ATG2B: variants seen among roughly 807,000 people sequenced by gnomAD.
ATG2B encodes autophagy related 2B, also known as autophagy-related protein 2 homolog B.
Under a neutral mutation model 241.3 loss-of-function variants are expected in ATG2B, and 121 were observed. The ratio of observed to expected loss-of-function variants is 0.50; its 90% confidence interval spans 0.43 to 0.58. The LOEUF (loss-of-function observed/expected upper bound fraction) is 0.58, where lower values mean the gene tolerates loss of function less well. ATG2B is among the 20% of genes least tolerant of loss of function. The probability of loss-of-function intolerance (pLI) is 0.00; values close to 1 mark genes in which losing one functional copy is unlikely to be tolerated. For missense variants in ATG2B, 2,306 were observed against 2,491.6 expected (o/e 0.93, Z 1.59); for synonymous variants, 858 against 876.6 (o/e 0.98, Z 0.37).
rs1429827740 is a variant in ATG2B, at chr14:96,285,658, G to C, written c.*97C>G. ...AAAAATGCTTTTGTTCCTGAGATGAGCACAATAAAATTAAACGAGCTTCCT... is the reference window on the plus strand; with the variant it reads ...AAAAATGCTTTTGTTCCTGAGATGACCACAATAAAATTAAACGAGCTTCCT... On this transcript the variant is annotated 3_prime_UTR_variant, in exon 42 of 42. Coordinates refer to ENST00000359933, the MANE Select transcript of ATG2B (RefSeq NM_018036.7). The surrounding 1 kb of genome is among the most constrained non-coding windows in gnomAD (Gnocchi z 4.2). The C allele has an allele frequency of 1.7e-6, 2 of 1,149,014 alleles. No individual in the cohort carries two copies. The highest frequency in any genetic ancestry group is 4.2e-5 in the Admixed American group (2 of 47,968). 71.2% of individuals were successfully genotyped at this position (1,149,014 alleles called of 1,614,324 possible).
intron 3 of ATG2B, among the ~76,000 whole-genome samples, 192 bp from the exon 4 acceptor site, chr14:96,344,948 G>A (rs1329460958): frequency 6.6e-6 from 1 of 151,746 alleles, no homozygotes; most frequent in Admixed American, 6.6e-5. Context: ...ACTTAACCAT[G>A]TTACATCTCA....
intron 1 of ATG2B, among the ~76,000 whole-genome samples, chr14:96,358,206 TGGGA>T (rs1364163061): frequency 6.6e-6 from 1 of 151,872 alleles, no homozygotes; most frequent in East Asian, 1.9e-4. Context: ...GGGGCTGAGG[TGGGA>T]GGATCACTTG....
chr14:96,334,509 GAAA>G lies in ATG2B; in HGVS notation c.925-11_925-9del, dbSNP rs757144200. Reference sequence around the variant, plus strand: ...CTGTCCATCAACATCCAACTTAAGGGAAAAAAAAAAACTATTCATGAGGAGTAT... The same window carrying G: ...CTGTCCATCAACATCCAACTTAAGGGAAAAAAAACTATTCATGAGGAGTAT... On this transcript the variant is annotated splice_polypyrimidine_tract_variant and intron_variant, in intron 6 of 41. Coordinates refer to ENST00000359933, the MANE Select transcript of ATG2B (RefSeq NM_018036.7). The G allele has an allele frequency of 8.0e-7, 1 of 1,244,696 alleles. No homozygotes were observed. Among genetic ancestry groups the G allele is most frequent in the Non-Finnish European group, 1.1e-6 (1 of 922,776 alleles). The allele number at this position is 1,244,696 out of a possible 1,614,324, so 77.1% of individuals were successfully genotyped here. A position where few individuals can be genotyped will look rare whatever the true frequency, so the allele number is the denominator to read the frequency against.
chr14:96,335,163 A>T lies in ATG2B; in HGVS notation c.925-662T>A, dbSNP rs140639963. On this transcript the variant is annotated intron_variant, in intron 6 of 41. Coordinates refer to ENST00000359933, the MANE Select transcript of ATG2B (RefSeq NM_018036.7). ...TTGATGATTCCTGAATACTCTGACAAAAGCAATTACTTTATTCTCTATATT... is the reference window on the plus strand; with the variant it reads ...TTGATGATTCCTGAATACTCTGACATAAGCAATTACTTTATTCTCTATATT... Among the ~76,000 whole-genome samples, 146 of 152,330 alleles carry T rather than the reference A, an allele frequency of 9.6e-4. 1 individual carries two copies. Among genetic ancestry groups the T allele is most frequent in the African/African-American group, 3.3e-3 (138 of 41,582 alleles).
At chr14:96,350,895 G>C (rs1030117237) in intron 1 of ATG2B, among the ~76,000 whole-genome samples, 4 of 152,148 alleles carry the variant, frequency 2.6e-5, no homozygotes, top group African/African-American at 9.7e-5. Context: ...ATCATGCTGG[G>C]TCTCCTGTCC....
At chr14:96,321,184 G>T (rs374076381) in intron 18 of ATG2B, among the ~76,000 whole-genome samples, 1 of 151,962 alleles carries the variant, frequency 6.6e-6, no homozygotes. Context: ...AAAACCCAGG[G>T]TTTATTACTA....
intron 30 of ATG2B, 115 bp from the exon 31 acceptor site, chr14:96,305,930 A>T (rs1268707659): frequency 1.3e-6 from 1 of 768,232 alleles, no homozygotes; most frequent in Non-Finnish European, 2.1e-6. Context: ...ATTCCAGTAT[A>T]TAAAATAAGG....
intron 18 of ATG2B, among the ~76,000 whole-genome samples, chr14:96,319,811 G>C (rs754933006): frequency 1.1e-4 from 17 of 152,088 alleles, no homozygotes; most frequent in South Asian, 6.2e-4. Context: ...GGAGTTCTTC[G>C]TACTGTAAAG....
rs558399887 is a variant in ATG2B, at chr14:96,331,762, A to G, written c.1469-125T>C. 3.1e-5 allele frequency: 24 copies of G among 781,924 alleles called. No homozygotes were observed. In the East Asian group the frequency reaches 6.4e-4, roughly 21 times the overall value. 48.4% of individuals were successfully genotyped at this position (781,924 alleles called of 1,614,324 possible). A position where few individuals can be genotyped will look rare whatever the true frequency, so the allele number is the denominator to read the frequency against. On this transcript the variant is annotated intron_variant, in intron 10 of 41. Coordinates refer to ENST00000359933, the MANE Select transcript of ATG2B (RefSeq NM_018036.7). ...ATCATACAACAGTTTGAATGATATTAAACAATTAATTTAAGTAAAATCAAC... is the reference window on the plus strand; with the variant it reads ...ATCATACAACAGTTTGAATGATATTGAACAATTAATTTAAGTAAAATCAAC...
At position 96,332,095 on chromosome 14, in the gene ATG2B, T is replaced by A. The variant is rs147818571; in HGVS notation, c.1468+210A>T. 4.4e-3 allele frequency among the ~76,000 whole-genome samples: 673 copies of A among 152,120 alleles called. 26 individuals carry two copies. In the South Asian group the frequency reaches 0.067, roughly 15 times the overall value. On this transcript the variant is annotated intron_variant, in intron 10 of 41. Transcript: ENST00000359933. ...TACAGTGTACTTTTAACTAAAAATA[T>A]TTAAGTATTTAAATACACAAAGAAT...
intron 6 of ATG2B, among the ~76,000 whole-genome samples, chr14:96,340,925 C>CA (rs1566731878): frequency 0.022 from 833 of 38,142 alleles, 17 homozygotes; most frequent in African/African-American, 0.094. Flanking sequence ...GACCCCATCT[C>CA]GAAAAAAAAA....
At chr14:96,358,951 G>A (rs1014346662) in intron 1 of ATG2B, among the ~76,000 whole-genome samples, 1 of 152,106 alleles carries the variant, frequency 6.6e-6, no homozygotes, top group African/African-American at 2.4e-5. Flanking sequence ...AAAAGTGAAG[G>A]TAACACTCTA....
chr14:96,361,391 T>C (rs1053763284), intron 1 of ATG2B, among the ~76,000 whole-genome samples: 6 of 152,150 alleles, frequency 3.9e-5, no homozygotes, highest in Admixed American at 2.6e-4. Context: ...ATCTGTAAAA[T>C]GGAAATATTA....
At chr14:96,357,605 A>T (rs1172555999) in intron 1 of ATG2B, among the ~76,000 whole-genome samples, 1 of 151,650 alleles carries the variant, frequency 6.6e-6, no homozygotes, top group Non-Finnish European at 1.5e-5. Flanking sequence ...AGAATTTCCT[A>T]TTTCACCATC....
intron 1 of ATG2B, among the ~76,000 whole-genome samples, chr14:96,361,590 T>C (rs1405234144): frequency 6.6e-6 from 1 of 152,136 alleles, no homozygotes. Flanking sequence ...TTGGAAGAAT[T>C]ACAGGAATAC....
At chr14:96,286,721 C>T (rs1886344523) in intron 41 of ATG2B, among the ~76,000 whole-genome samples, 1 of 152,008 alleles carries the variant, frequency 6.6e-6, no homozygotes, top group Non-Finnish European at 1.5e-5. Context: ...TGAATCTTTA[C>T]CATTTATCTA....
chr14:96,353,588 T>G (rs1323569769), intron 1 of ATG2B, among the ~76,000 whole-genome samples: 1 of 151,956 alleles, frequency 6.6e-6, no homozygotes, highest in African/African-American at 2.4e-5. Flanking sequence ...ATTGTGCCAC[T>G]GCATTCCAGC....
Position 96,363,177 on chromosome 14 carries a change from G to C in ATG2B, c.-201C>G, listed in dbSNP as rs1888730763. On this transcript the variant is annotated 5_prime_UTR_variant, in exon 1 of 42. Transcript: ENST00000359933. Reference sequence around the variant, plus strand: ...CTGGGCCTGGCGGAGGCAAGACGCAGAGGGGTCCTCCTGGCCCCAGGCCAG... The same window carrying C: ...CTGGGCCTGGCGGAGGCAAGACGCACAGGGGTCCTCCTGGCCCCAGGCCAG... 1.2e-5 allele frequency: 7 copies of C among 583,286 alleles called. No individual in the cohort carries two copies. In the South Asian group the frequency reaches 1.4e-4, roughly 12 times the overall value. 36.1% of individuals were successfully genotyped at this position (583,286 alleles called of 1,614,324 possible).
Position 96,289,961 on chromosome 14 carries a change from T to C in ATG2B, c.5857-156A>G, listed in dbSNP as rs1886440415. 4.3e-6 allele frequency: 2 copies of C among 469,426 alleles called. No homozygotes were observed. The highest frequency in any genetic ancestry group is 1.8e-4 in the South Asian group (2 of 10,856). 29.1% of individuals were successfully genotyped at this position (469,426 alleles called of 1,614,324 possible). A position where few individuals can be genotyped will look rare whatever the true frequency, so the allele number is the denominator to read the frequency against. On this transcript the variant is annotated intron_variant, in intron 40 of 41. Transcript: ENST00000359933. This position sits in a 1 kb window ranked among gnomAD's most constrained non-coding sequence, Gnocchi z 4.3. The stretch of plus-strand genomic sequence containing the variant: ...GTATCTGAATTCTTTACCACAAGAA[T>C]TGATGACTTTTATAACGAGAACATA...
Sources: gnomAD v4.1 joint callset for allele counts (sites outside exome capture counted in the v4.1 genomes callset) on GRCh38, gnomAD v4.1.1 for gene constraint, Gnocchi (gnomAD v3.1) non-coding constraint, MANE v1.5 for transcripts, NCBI Gene and HGNC (gene_info 2026-07-23, HGNC 2026-07-21) for gene names.